Variants in NKAIN3 observed in about 807,000 individuals in gnomAD.
NKAIN3 encodes the protein sodium/potassium transporting ATPase interacting 3.
A neutral mutation model predicts 30.2 loss-of-function variants in NKAIN3; 25 were observed. That is an observed-to-expected ratio of 0.83 (90% confidence interval 0.60 to 1.16). The LOEUF (loss-of-function observed/expected upper bound fraction) is 1.16. Ranked by LOEUF, NKAIN3 falls within the 50% of genes most tolerant of loss-of-function variation. The pLI is 0.00. For synonymous variants in NKAIN3, 91 were observed against 89.6 expected, an observed-to-expected ratio of 1.02 and a Z score of -0.09; for missense variants, 225 against 254.1, an observed-to-expected ratio of 0.89 and a Z score of 0.78.
intron 1 of NKAIN3, among the ~76,000 whole-genome samples, chr8:62,395,160 C>T (rs951561371): frequency 3.3e-5 from 5 of 151,396 alleles, no homozygotes; most frequent in Non-Finnish European, 7.4e-5. Flanking sequence ...GGGACAGAGG[C>T]GGTCCTCACT....
chr8:62,263,636 G>T (rs946364393), intron 1 of NKAIN3, among the ~76,000 whole-genome samples: 2 of 152,094 alleles, frequency 1.3e-5, no homozygotes, highest in Non-Finnish European at 2.9e-5. Context: ...ATCCAAGTTG[G>T]TATATGATTA....
At chr8:62,895,061 C>T (rs934935937) in intron 4 of NKAIN3, among the ~76,000 whole-genome samples, 2 of 152,162 alleles carry the variant, frequency 1.3e-5, no homozygotes, top group South Asian at 2.1e-4. Context: ...AAGCTGGATA[C>T]TTTGCAAGTC....
At chr8:62,493,958 T>C (rs1417738915) in intron 1 of NKAIN3, among the ~76,000 whole-genome samples, 1 of 152,122 alleles carries the variant, frequency 6.6e-6, no homozygotes, top group Non-Finnish European at 1.5e-5. Context: ...TAGAATCATA[T>C]TGTCTGCCAA....
At chr8:62,454,717 T>C (rs1190250522) in intron 1 of NKAIN3, among the ~76,000 whole-genome samples, 1 of 152,236 alleles carries the variant, frequency 6.6e-6, no homozygotes, top group Non-Finnish European at 1.5e-5. Flanking sequence ...TCTCATATTG[T>C]GTTGAAATTT....
intron 1 of NKAIN3, among the ~76,000 whole-genome samples, chr8:62,298,254 A>G (rs1813909403): frequency 6.6e-6 from 1 of 152,118 alleles, no homozygotes; most frequent in South Asian, 2.1e-4. Flanking sequence ...GCACACCAGC[A>G]TCGCACATGT....
intron 4 of NKAIN3, among the ~76,000 whole-genome samples, chr8:62,797,417 G>A (rs376518659): frequency 6.6e-6 from 1 of 152,252 alleles, no homozygotes. Context: ...TGCAGATGAT[G>A]AGCAGTTAAA....
chr8:62,455,072 G>T (rs1232732445), intron 1 of NKAIN3, among the ~76,000 whole-genome samples: 3 of 152,222 alleles, frequency 2.0e-5, no homozygotes, highest in Non-Finnish European at 2.9e-5. Context: ...CACACAGAAA[G>T]ATGAGTCCTG....
intron 3 of NKAIN3, among the ~76,000 whole-genome samples, chr8:62,743,159 A>C (rs986095714): frequency 6.6e-6 from 1 of 152,180 alleles, no homozygotes. Flanking sequence ...AAAACTACAC[A>C]CTTTGATGTG....
chr8:62,844,159 C>T (rs1204740276), intron 4 of NKAIN3, among the ~76,000 whole-genome samples: 1 of 152,032 alleles, frequency 6.6e-6, no homozygotes, highest in Admixed American at 6.6e-5. Flanking sequence ...ATTATTGGCC[C>T]GGTTGATGGA....
At chr8:62,798,235 C>G (rs150127642) in intron 4 of NKAIN3, among the ~76,000 whole-genome samples, 5 of 152,086 alleles carry the variant, frequency 3.3e-5, no homozygotes, top group African/African-American at 1.2e-4. Flanking sequence ...AGCTATGCAT[C>G]TCCTGTTGGG....
chr8:62,280,551 C>A (rs970582929), intron 1 of NKAIN3, among the ~76,000 whole-genome samples: 2 of 152,024 alleles, frequency 1.3e-5, no homozygotes, highest in African/African-American at 4.8e-5. Context: ...TACGTCCCAG[C>A]GATACCTGAT....
At chr8:62,955,316 C>A (rs1475956174) in intron 6 of NKAIN3, among the ~76,000 whole-genome samples, 1 of 152,116 alleles carries the variant, frequency 6.6e-6, no homozygotes, top group East Asian at 1.9e-4. Context: ...GCAGTCACCA[C>A]CTCATTACTC....
At chr8:62,849,187 G>T (rs1408389317) in intron 4 of NKAIN3, among the ~76,000 whole-genome samples, 1 of 151,116 alleles carries the variant, frequency 6.6e-6, no homozygotes, top group South Asian at 2.1e-4. Flanking sequence ...GAATAAGTTA[G>T]GGAGGAGTCC....
At chr8:62,418,492 T>C (rs1804525530) in intron 1 of NKAIN3, among the ~76,000 whole-genome samples, 1 of 152,116 alleles carries the variant, frequency 6.6e-6, no homozygotes, top group Admixed American at 6.5e-5. Context: ...AGACTATTGC[T>C]CCCATGGCTG....
In NKAIN3 at chr8:62,281,231, C is replaced by G. The variant is rs548689229; in HGVS notation, c.54+32104C>G. On this transcript the variant is annotated intron_variant, in intron 1 of 6. Transcript: ENST00000623646. Reference sequence around the variant, plus strand: ...GATTGATGGTAATATCCCCCTCTATCATTTTTTATTGCATCTATTTGATTC... The same window carrying G: ...GATTGATGGTAATATCCCCCTCTATGATTTTTTATTGCATCTATTTGATTC... 4.5e-3 allele frequency among the ~76,000 whole-genome samples: 682 copies of G among 152,170 alleles called. 7 individuals carry two copies. Among genetic ancestry groups the G allele is most frequent in the Non-Finnish European group, 5.4e-3 (369 of 68,018 alleles).
At chr8:62,851,047 A>C (rs1819878879) in intron 4 of NKAIN3, among the ~76,000 whole-genome samples, 1 of 152,018 alleles carries the variant, frequency 6.6e-6, no homozygotes, top group Admixed American at 6.6e-5. Context: ...TACCTTGGGC[A>C]GTATGGCCAT....
chr8:62,723,209 A>T (rs1815147668), intron 3 of NKAIN3, among the ~76,000 whole-genome samples: 1 of 152,192 alleles, frequency 6.6e-6, no homozygotes, highest in Admixed American at 6.5e-5. Flanking sequence ...CTATCACATT[A>T]AAACAACATT....
At chr8:62,606,528 G>T (rs1186139453) in intron 3 of NKAIN3, among the ~76,000 whole-genome samples, 1 of 151,982 alleles carries the variant, frequency 6.6e-6, no homozygotes, top group East Asian at 1.9e-4. Flanking sequence ...AAAAAAAATG[G>T]CATAAAGAAG....
chr8:62,644,871 A>C (rs10095868), intron 3 of NKAIN3, among the ~76,000 whole-genome samples: 3,098 of 152,266 alleles, frequency 0.02, 91 homozygotes, highest in African/African-American at 0.069. Flanking sequence ...TTGCTTGTGC[A>C]GTTGTCTGCA....
Sources: gnomAD v4.1 joint callset for allele counts (sites outside exome capture counted in the v4.1 genomes callset) on GRCh38, gnomAD v4.1.1 for gene constraint, MANE v1.5 for transcripts, NCBI Gene and HGNC (gene_info 2026-07-23, HGNC 2026-07-21) for gene names.